ZBTB20: variants seen among roughly 807,000 people sequenced by gnomAD.
ZBTB20 encodes zinc finger and BTB domain containing 20.
Under a neutral mutation model 56.9 loss-of-function variants are expected in ZBTB20, and 9 were observed. The ratio of observed to expected loss-of-function variants is 0.16; its 90% confidence interval spans 0.10 to 0.28. The LOEUF (loss-of-function observed/expected upper bound fraction) is 0.28. ZBTB20 is among the 10% of genes least tolerant of loss of function. The probability of loss-of-function intolerance (pLI) is 1.00; values close to 1 mark genes in which losing one functional copy is unlikely to be tolerated. For missense variants in ZBTB20, 655 were observed against 1,003.0 expected (o/e 0.65, Z 4.69); for synonymous variants, 417 against 420.7 (o/e 0.99, Z 0.11).
chr3:114,738,065 C>T (rs2066306238), intron 5 of ZBTB20, among the ~76,000 whole-genome samples: 3 of 151,930 alleles, frequency 2.0e-5, no homozygotes, highest in Admixed American at 2.0e-4. Flanking sequence ...AATATAGCCA[C>T]TAGGTCAATA....
intron 1 of ZBTB20, among the ~76,000 whole-genome samples, chr3:115,132,519 A>G (rs974991085): frequency 3.3e-5 from 5 of 152,226 alleles, no homozygotes; most frequent in Non-Finnish European, 5.9e-5. Context: ...TACCAACTGT[A>G]TATGATAAAG....
intron 10 of ZBTB20, among the ~76,000 whole-genome samples, chr3:114,370,846 G>T (rs913583265): frequency 6.6e-6 from 1 of 152,150 alleles, no homozygotes; most frequent in African/African-American, 2.4e-5. Context: ...TCCTTTAAAT[G>T]CTTTTCATCT....
intron 6 of ZBTB20, among the ~76,000 whole-genome samples, chr3:114,511,152 G>T (rs1265117234): frequency 1.3e-5 from 2 of 151,512 alleles, no homozygotes; most frequent in East Asian, 3.9e-4. Context: ...GTATAGAGTG[G>T]TTTTTGTCAT....
At chr3:114,968,813 C>T (rs977104784) in intron 3 of ZBTB20, among the ~76,000 whole-genome samples, 8 of 152,152 alleles carry the variant, frequency 5.3e-5, no homozygotes, top group Non-Finnish European at 1.2e-4. Context: ...TCTTCTATAT[C>T]ATATAAAGTA....
At chr3:114,363,248 G>T (rs1442602347) in intron 10 of ZBTB20, among the ~76,000 whole-genome samples, 2 of 152,166 alleles carry the variant, frequency 1.3e-5, no homozygotes, top group African/African-American at 4.8e-5. Flanking sequence ...TCAGCTATTA[G>T]AATGATCCCT....
chr3:114,788,259 T>A (rs1369077330), intron 5 of ZBTB20, among the ~76,000 whole-genome samples: 3 of 152,202 alleles, frequency 2.0e-5, no homozygotes, highest in Non-Finnish European at 2.9e-5. Context: ...AGTGGCATTA[T>A]GTATACTCAC....
chr3:114,885,219 TAATACACACAA>T, intron 4 of ZBTB20, among the ~76,000 whole-genome samples: 1 of 152,312 alleles, frequency 6.6e-6, no homozygotes, highest in African/African-American at 2.4e-5. Context: ...ACAGCTACTC[TAATACACACAA>T]ACCTTGGATG....
chr3:114,753,838 C>T (rs981699085), intron 5 of ZBTB20, among the ~76,000 whole-genome samples: 1 of 151,942 alleles, frequency 6.6e-6, no homozygotes, highest in Non-Finnish European at 1.5e-5. Flanking sequence ...TATCCCTAGT[C>T]CATAAAAGAA....
intron 2 of ZBTB20, among the ~76,000 whole-genome samples, chr3:115,051,059 C>T (rs562103690): frequency 1.3e-5 from 2 of 151,922 alleles, no homozygotes; most frequent in Non-Finnish European, 2.9e-5. Context: ...AATGATTTAA[C>T]GGAAATTTTA....
chr3:114,868,038 T>A (rs1176416689), intron 4 of ZBTB20, among the ~76,000 whole-genome samples: 2 of 152,066 alleles, frequency 1.3e-5, no homozygotes, highest in African/African-American at 2.4e-5. Context: ...TAAGTAAGCT[T>A]TACTCTGGAT....
At chr3:114,950,399 C>T (rs549216610) in intron 3 of ZBTB20, among the ~76,000 whole-genome samples, 1 of 152,176 alleles carries the variant, frequency 6.6e-6, no homozygotes, top group South Asian at 2.1e-4. Context: ...TGTGGTCTCC[C>T]TCCCTCCTCT....
chr3:114,714,184 T>C (rs1187135878), intron 5 of ZBTB20, among the ~76,000 whole-genome samples: 2 of 152,212 alleles, frequency 1.3e-5, no homozygotes, highest in Admixed American at 6.5e-5. Context: ...TTAATCAAAA[T>C]CTGAAAATCA....
intron 6 of ZBTB20, among the ~76,000 whole-genome samples, chr3:114,677,155 G>T (rs935035372): frequency 6.6e-6 from 1 of 152,164 alleles, no homozygotes; most frequent in African/African-American, 2.4e-5. Context: ...GTTCACAAAT[G>T]TAAATTCTTA....
intron 4 of ZBTB20, among the ~76,000 whole-genome samples, chr3:114,848,837 C>T (rs2074851626): frequency 6.6e-6 from 1 of 152,242 alleles, no homozygotes; most frequent in African/African-American, 2.4e-5. Flanking sequence ...TAAGTCTCCT[C>T]TCTGCCAATG....
chr3:114,530,990 T>C (rs1345572278), intron 6 of ZBTB20, among the ~76,000 whole-genome samples: 3 of 152,198 alleles, frequency 2.0e-5, no homozygotes, highest in African/African-American at 7.2e-5. Flanking sequence ...AATTTTTCCT[T>C]GAGTCATCTT....
chr3:114,531,579 T>C (rs1360206272), intron 6 of ZBTB20, among the ~76,000 whole-genome samples: 2 of 152,130 alleles, frequency 1.3e-5, no homozygotes, highest in African/African-American at 2.4e-5. Context: ...AGGACTGGAT[T>C]GAAACAAAAT....
intron 6 of ZBTB20, among the ~76,000 whole-genome samples, chr3:114,568,210 T>G (rs2053013186): frequency 6.6e-6 from 1 of 152,092 alleles, no homozygotes; most frequent in Non-Finnish European, 1.5e-5. Context: ...AACTAATTAG[T>G]AAAATTCCCC....
intron 1 of ZBTB20, among the ~76,000 whole-genome samples, chr3:115,118,959 T>C (rs2084102828): frequency 6.6e-6 from 1 of 152,128 alleles, no homozygotes; most frequent in Non-Finnish European, 1.5e-5. Flanking sequence ...TAAAATTTAG[T>C]ATATTTTCTA....
At chr3:114,975,632 C>T (rs919521954) in intron 2 of ZBTB20, among the ~76,000 whole-genome samples, 3 of 152,072 alleles carry the variant, frequency 2.0e-5, no homozygotes, top group Admixed American at 6.6e-5. Context: ...AGTTATTCTG[C>T]ATCAGCAAAC....
Sources: gnomAD v4.1 joint callset for allele counts (sites outside exome capture counted in the v4.1 genomes callset) on GRCh38, gnomAD v4.1.1 for gene constraint, MANE v1.5 for transcripts, NCBI Gene and HGNC (gene_info 2026-07-23, HGNC 2026-07-21) for gene names.